MTA3: variants seen among roughly 807,000 people sequenced by gnomAD.
The protein encoded by MTA3 is metastasis associated 1 family member 3.
Under a neutral mutation model 83.5 loss-of-function variants are expected in MTA3, and 34 were observed. The observed-to-expected ratio is 0.41, with a 90% CI of 0.31 to 0.54. The LOEUF (loss-of-function observed/expected upper bound fraction) is 0.54. Ranked by LOEUF, MTA3 falls within the 20% of genes least tolerant of loss-of-function variation. The pLI, the probability that MTA3 is intolerant of heterozygous loss-of-function variation, is 0.33. For missense variants in MTA3, 761 were observed against 726.4 expected (o/e 1.05, Z -0.55); for synonymous variants, 303 against 252.7 (o/e 1.20, Z -1.89).
chr2:42,567,048 C>T (rs963109075), upstream of MTA3, among the ~76,000 whole-genome samples: 1 of 152,180 alleles, frequency 6.6e-6, no homozygotes, highest in Non-Finnish European at 1.5e-5. Context: ...TGGAACAGAA[C>T]ACTTTTGCTT....
intron 6 of MTA3, among the ~76,000 whole-genome samples, chr2:42,648,368 C>T (rs1688410690): frequency 6.6e-6 from 1 of 152,204 alleles, no homozygotes; most frequent in South Asian, 2.1e-4. Flanking sequence ...TTTAGTACTC[C>T]TGAGTGGGTA....
chr2:42,688,819 T>G (rs1692626678), intron 9 of MTA3, among the ~76,000 whole-genome samples: 1 of 152,160 alleles, frequency 6.6e-6, no homozygotes, highest in Admixed American at 6.5e-5. Flanking sequence ...TTTATTTATT[T>G]ATTTATTTTT....
At chr2:42,531,841 C>T (rs1675987540) in intron 2 of MTA3, among the ~76,000 whole-genome samples, 1 of 151,752 alleles carries the variant, frequency 6.6e-6, no homozygotes, top group Non-Finnish European at 1.5e-5. Context: ...ACTGCAAGCT[C>T]CGCCTCCTGG....
At chr2:42,496,072 T>C (rs1188759783) in intron 2 of MTA3, among the ~76,000 whole-genome samples, 1 of 152,374 alleles carries the variant, frequency 6.6e-6, no homozygotes, top group Non-Finnish European at 1.5e-5. Context: ...GCCGATTGTT[T>C]GCTCTAACAT....
chr2:42,731,213 G>A (rs900125724), intron 16 of MTA3, among the ~76,000 whole-genome samples: 6 of 151,810 alleles, frequency 4.0e-5, no homozygotes, highest in Admixed American at 1.3e-4. Context: ...TTTCTGCTCC[G>A]ATCTTTATTA....
chr2:42,751,611 G>C (rs1472721366), intron 16 of MTA3, among the ~76,000 whole-genome samples: 3 of 152,204 alleles, frequency 2.0e-5, no homozygotes, highest in Admixed American at 6.5e-5. Flanking sequence ...CCGTGGCCAG[G>C]GTGGAGAAGG....
chr2:42,698,022 C>G (rs1374057937), intron 11 of MTA3, among the ~76,000 whole-genome samples, 188 bp downstream of exon 11: 1 of 152,066 alleles, frequency 6.6e-6, no homozygotes, highest in Non-Finnish European at 1.5e-5. Flanking sequence ...AATAGACTAA[C>G]CTGAAGACTA....
chr2:42,587,436 C>T (rs1680474539), intron 3 of MTA3, among the ~76,000 whole-genome samples: 1 of 152,188 alleles, frequency 6.6e-6, no homozygotes, highest in Non-Finnish European at 1.5e-5. Flanking sequence ...ATTATTATTA[C>T]TAGCTTCTGG....
intron 5 of MTA3, among the ~76,000 whole-genome samples, chr2:42,640,870 A>AT (rs1459616877): frequency 2.0e-5 from 3 of 151,978 alleles, no homozygotes; most frequent in Non-Finnish European, 2.9e-5. Context: ...AATCTTTATG[A>AT]TTTTTTTCTT....
rs1040362181 is a variant in MTA3, at chr2:42,656,313, G to T, written c.602+11G>T. ...TTTAGTTGTAGCACGGTGAGTATGA[G>T]TATGGCATTATTGAGTCAATAAATT... On this transcript the variant is annotated intron_variant, in intron 7 of 16. Coordinates refer to ENST00000405094, the MANE Select transcript of MTA3 (RefSeq NM_001330442.2). The T allele has an allele frequency of 1.3e-6, 2 of 1,567,358 alleles. No individual in the cohort carries two copies. The highest frequency in any genetic ancestry group is 1.8e-6 in the Non-Finnish European group (2 of 1,139,458).
chr2:42,752,494 G>C (rs762861600), intron 16 of MTA3, among the ~76,000 whole-genome samples: 1 of 150,860 alleles, frequency 6.6e-6, no homozygotes, highest in Non-Finnish European at 1.5e-5. Flanking sequence ...GGCCACTTCT[G>C]CTTTTTCATT....
At chr2:42,502,586 G>A (rs1010130016) in intron 2 of MTA3, among the ~76,000 whole-genome samples, 2 of 152,106 alleles carry the variant, frequency 1.3e-5, no homozygotes, top group African/African-American at 4.8e-5. Context: ...ATCACCTGAG[G>A]TCAGGAGTTT....
chr2:42,673,959 T>G (rs2104414939), intron 8 of MTA3, among the ~76,000 whole-genome samples: 2 of 152,330 alleles, frequency 1.3e-5, no homozygotes, highest in South Asian at 4.1e-4. Flanking sequence ...ACTGCCCAAA[T>G]TTCAGTGGCT....
chr2:42,505,111 G>A (rs116020808), intron 2 of MTA3, among the ~76,000 whole-genome samples: 2,097 of 152,132 alleles, frequency 0.014, 33 homozygotes, highest in African/African-American at 0.048. Context: ...AGATGAGATG[G>A]GGTGGGACGT....
At chr2:42,726,932 C>T (rs548451927) in intron 16 of MTA3, among the ~76,000 whole-genome samples, 7 of 152,204 alleles carry the variant, frequency 4.6e-5, no homozygotes, top group Non-Finnish European at 8.8e-5. Flanking sequence ...GTGGCTTGCA[C>T]TGGTAATCCC....
At chr2:42,540,348 C>A (rs1169347177) in intron 2 of MTA3, among the ~76,000 whole-genome samples, 1 of 151,002 alleles carries the variant, frequency 6.6e-6, no homozygotes, top group Non-Finnish European at 1.5e-5. Context: ...TAATTTAAAA[C>A]ATTTTTTGTA....
chr2:42,526,674 C>T (rs1675722831), intron 2 of MTA3, among the ~76,000 whole-genome samples: 1 of 152,194 alleles, frequency 6.6e-6, no homozygotes, highest in South Asian at 2.1e-4. Flanking sequence ...AGGCACCGTT[C>T]TAGTATCTGA....
intron 6 of MTA3, among the ~76,000 whole-genome samples, chr2:42,645,665 A>C (rs1160351490): frequency 6.6e-6 from 1 of 152,208 alleles, no homozygotes; most frequent in Non-Finnish European, 1.5e-5. Flanking sequence ...CCTAATCCAG[A>C]GCAGGGCCCT....
intron 4 of MTA3, among the ~76,000 whole-genome samples, chr2:42,623,237 C>T (rs1685748048): frequency 6.6e-6 from 1 of 152,192 alleles, no homozygotes; most frequent in African/African-American, 2.4e-5. Context: ...CACCTGGATC[C>T]TGGCGTGTGC....
Sources: gnomAD v4.1 joint callset for allele counts (sites outside exome capture counted in the v4.1 genomes callset) on GRCh38, gnomAD v4.1.1 for gene constraint, MANE v1.5 for transcripts, NCBI Gene and HGNC (gene_info 2026-07-23, HGNC 2026-07-21) for gene names.